AGBL4: variants seen among roughly 807,000 people sequenced by gnomAD.
AGBL4 encodes the protein cytosolic carboxypeptidase 6.
Under a neutral mutation model 66.4 loss-of-function variants are expected in AGBL4, and 58 were observed. The observed-to-expected ratio is 0.87, with a 90% CI of 0.71 to 1.09. The LOEUF (loss-of-function observed/expected upper bound fraction) is 1.09. Among genes scored for constraint, AGBL4 ranks in the 50% least tolerant of loss-of-function variants. AGBL4 has a pLI of 0.00. For missense variants in AGBL4, 579 were observed against 631.0 expected, an observed-to-expected ratio of 0.92 and a Z score of 0.88; for synonymous variants, 234 against 222.9, an observed-to-expected ratio of 1.05 and a Z score of -0.44.
At chr1:49,899,499 C>T (rs1309639179) in intron 1 of AGBL4, among the ~76,000 whole-genome samples, 2 of 139,004 alleles carry the variant, frequency 1.4e-5, no homozygotes, top group South Asian at 2.3e-4. Context: ...TATATATCCA[C>T]AAAAAAAAAA....
Position 49,665,289 on chromosome 1 carries a change from T to TTTTTTG in AGBL4, c.282+32018_282+32023dup, listed in dbSNP as rs1360971984. On this transcript the variant is annotated intron_variant, in intron 3 of 13. Transcript: ENST00000371839. ...AAAGCTGAGATCCAAATGGCCTGTT[T>TTTTTTG]TTTTTGTTTTTGTTTTTGTTTTTAT... Among the ~76,000 whole-genome samples the TTTTTTG allele has an allele frequency of 5.9e-5, 9 of 152,240 alleles. No homozygotes were observed. In the South Asian group the frequency reaches 8.3e-4, roughly 14 times the overall value.
chr1:49,028,689 C>A (rs1663939018), intron 5 of AGBL4, among the ~76,000 whole-genome samples: 1 of 152,086 alleles, frequency 6.6e-6, no homozygotes, highest in Admixed American at 6.5e-5. Flanking sequence ...GCTGAAAGAA[C>A]AAATCTGTCA....
At chr1:48,706,798 A>G (rs1646887489) in intron 6 of AGBL4, among the ~76,000 whole-genome samples, 1 of 152,252 alleles carries the variant, frequency 6.6e-6, no homozygotes. Flanking sequence ...TGGGGTTCCC[A>G]CATCTGAATC....
intron 4 of AGBL4, among the ~76,000 whole-genome samples, chr1:49,062,416 T>A (rs1312057500): frequency 6.6e-6 from 1 of 152,176 alleles, no homozygotes; most frequent in Non-Finnish European, 1.5e-5. Context: ...CTTTGTTCCA[T>A]TAGAGTAGGT....
rs562175173 is a variant in AGBL4, at chr1:49,931,970, C to T, written c.35-80452G>A. On this transcript the variant is annotated intron_variant, in intron 1 of 13. Coordinates refer to ENST00000371839, the MANE Select transcript of AGBL4 (RefSeq NM_032785.4). ...GCATAATCCAAAATGTTTTGAACAC[C>T]GACATGAAACTCAAGAAAAACGTTT... Among the ~76,000 whole-genome samples the T allele has an allele frequency of 5.9e-5, 9 of 152,088 alleles. No homozygotes were observed. The East Asian group carries it at 1.4e-3, about 23-fold the overall frequency.
intron 1 of AGBL4, among the ~76,000 whole-genome samples, chr1:49,858,372 T>G (rs78446173): frequency 1.1e-3 from 172 of 152,202 alleles, no homozygotes; most frequent in African/African-American, 4.1e-3. Flanking sequence ...AATCCAGCAA[T>G]TCCAGTACAG....
intron 6 of AGBL4, chr1:48,742,525 C>A: frequency 3.2e-6 from 4 of 1,256,270 alleles, no homozygotes; most frequent in Non-Finnish European, 4.1e-6. Flanking sequence ...GGAGGCCAAC[C>A]AGTCAAGCTG....
At chr1:48,820,737 T>C (rs527347147) in intron 6 of AGBL4, among the ~76,000 whole-genome samples, 1 of 152,240 alleles carries the variant, frequency 6.6e-6, no homozygotes, top group East Asian at 1.9e-4. Context: ...TGAACTCAGA[T>C]TAGAGCTATA....
At chr1:49,650,941 C>A (rs1329616918) in intron 3 of AGBL4, among the ~76,000 whole-genome samples, 2 of 152,280 alleles carry the variant, frequency 1.3e-5, no homozygotes, top group Non-Finnish European at 2.9e-5. Flanking sequence ...TTCATGGTAG[C>A]TGCACCCCAC....
intron 6 of AGBL4, among the ~76,000 whole-genome samples, chr1:48,778,309 G>A (rs913892151): frequency 2.6e-5 from 4 of 152,144 alleles, no homozygotes; most frequent in African/African-American, 9.7e-5. Context: ...TGGATTCTTG[G>A]GCCTTGCAAA....
intron 5 of AGBL4, among the ~76,000 whole-genome samples, chr1:48,915,876 G>T (rs1349770979): frequency 6.6e-6 from 1 of 151,974 alleles, no homozygotes; most frequent in East Asian, 1.9e-4. Flanking sequence ...AGAAATAAAA[G>T]AAATAAAATA....
intron 11 of AGBL4, among the ~76,000 whole-genome samples, chr1:48,540,197 C>T (rs1315048249): frequency 6.6e-6 from 1 of 152,152 alleles, no homozygotes; most frequent in Non-Finnish European, 1.5e-5. Flanking sequence ...CTCAGTCATC[C>T]ACTTTAGTAA....
intron 3 of AGBL4, among the ~76,000 whole-genome samples, chr1:49,314,930 C>T (rs752286165): frequency 1.8e-4 from 28 of 152,000 alleles, no homozygotes; most frequent in Non-Finnish European, 2.8e-4. Context: ...ATTCTAACTG[C>T]TGTGAGATGG....
chr1:49,286,597 GA>G (rs1351407212), intron 3 of AGBL4, among the ~76,000 whole-genome samples: 8 of 152,046 alleles, frequency 5.3e-5, no homozygotes, highest in African/African-American at 1.7e-4. Flanking sequence ...AATCATGAGT[GA>G]ACTCCCGTTC....
chr1:49,970,097 T>A (rs6679727), intron 1 of AGBL4, among the ~76,000 whole-genome samples: 1 of 152,162 alleles, frequency 6.6e-6, no homozygotes, highest in African/African-American at 2.4e-5. Flanking sequence ...CAAAAATTAA[T>A]CCAAAAGTGG....
chr1:48,821,360 C>A (rs1250961025), intron 6 of AGBL4, among the ~76,000 whole-genome samples: 1 of 152,132 alleles, frequency 6.6e-6, no homozygotes, highest in Non-Finnish European at 1.5e-5. Context: ...CCATCAGTGG[C>A]TGGCTGGATA....
intron 2 of AGBL4, among the ~76,000 whole-genome samples, chr1:49,764,831 T>C (rs1230119826): frequency 6.6e-6 from 1 of 151,534 alleles, no homozygotes. Flanking sequence ...CCATGGAGAG[T>C]CGCAAAAATA....
At chr1:49,314,183 TG>T (rs1644995031) in intron 3 of AGBL4, among the ~76,000 whole-genome samples, 1 of 152,020 alleles carries the variant, frequency 6.6e-6, no homozygotes, top group Non-Finnish European at 1.5e-5. Context: ...GTTGTAGATG[TG>T]TGGCGTTATT....
chr1:48,546,057 G>C (rs1644153167), intron 11 of AGBL4, among the ~76,000 whole-genome samples: 1 of 152,124 alleles, frequency 6.6e-6, no homozygotes. Flanking sequence ...ATATTACCTG[G>C]GAGGCTGTTG....
Sources: gnomAD v4.1 joint callset for allele counts (sites outside exome capture counted in the v4.1 genomes callset) on GRCh38, gnomAD v4.1.1 for gene constraint, MANE v1.5 for transcripts, NCBI Gene and HGNC (gene_info 2026-07-23, HGNC 2026-07-21) for gene names.